The following ZNF804A variants were observed in gnomAD, a reference collection of about 807,000 sequenced individuals.
ZNF804A encodes the protein zinc finger protein 804A.
A neutral mutation model predicts 16.5 loss-of-function variants in ZNF804A; 2 were observed. The observed-to-expected ratio is 0.12, with a 90% CI of 0.05 to 0.38. The LOEUF (loss-of-function observed/expected upper bound fraction) is 0.38. Among genes scored for constraint, ZNF804A ranks in the 10% least tolerant of loss-of-function variants. The pLI, the probability that ZNF804A is intolerant of heterozygous loss-of-function variation, is 0.99. For synonymous variants in ZNF804A, 534 were observed against 489.6 expected (o/e 1.09, Z -1.20); for missense variants, 1,473 against 1,390.7 (o/e 1.06, Z -0.94).
chr2:184,737,779 A>G (rs1252827732), intron 1 of ZNF804A, among the ~76,000 whole-genome samples: 1 of 152,164 alleles, frequency 6.6e-6, no homozygotes, highest in East Asian at 1.9e-4. Flanking sequence ...GTCCAGGACA[A>G]GAATTGCATT....
intron 1 of ZNF804A, among the ~76,000 whole-genome samples, chr2:184,753,534 T>C (rs1693908355): frequency 6.6e-6 from 1 of 151,842 alleles, no homozygotes; most frequent in Non-Finnish European, 1.5e-5. Context: ...ATTGCCTGTC[T>C]TGGATGGCCT....
chr2:184,933,057 C>T (rs1405735458), intron 2 of ZNF804A, among the ~76,000 whole-genome samples: 1 of 151,844 alleles, frequency 6.6e-6, no homozygotes, highest in African/African-American at 2.4e-5. Context: ...ACTCTCAGAA[C>T]ACACAAAAAG....
At chr2:184,743,326 G>T (rs760074992) in intron 1 of ZNF804A, among the ~76,000 whole-genome samples, 1 of 151,902 alleles carries the variant, frequency 6.6e-6, no homozygotes, top group Admixed American at 6.6e-5. Context: ...AAGAATTATT[G>T]GGAATGCATC....
chr2:184,676,829 T>TA (rs1263097328), intron 1 of ZNF804A, among the ~76,000 whole-genome samples: 1 of 151,810 alleles, frequency 6.6e-6, no homozygotes, highest in African/African-American at 2.4e-5. Flanking sequence ...TGAAGTGGAC[T>TA]ATGTTCAGTA....
intron 1 of ZNF804A, among the ~76,000 whole-genome samples, chr2:184,769,618 GA>G (rs765913516): frequency 6.6e-6 from 1 of 151,812 alleles, no homozygotes; most frequent in Non-Finnish European, 1.5e-5. Context: ...CTGTATATAG[GA>G]AAAGAAAATA....
At chr2:184,866,122 T>C (rs1695874317) in intron 1 of ZNF804A, among the ~76,000 whole-genome samples, 1 of 152,196 alleles carries the variant, frequency 6.6e-6, no homozygotes, top group Admixed American at 6.5e-5. Flanking sequence ...TTCTATTTAT[T>C]TCTATCATTT....
intron 1 of ZNF804A, among the ~76,000 whole-genome samples, chr2:184,688,915 G>T (rs1429219958): frequency 1.3e-5 from 2 of 152,032 alleles, no homozygotes; most frequent in East Asian, 1.9e-4. Context: ...AAATATTTCT[G>T]ATTTGTTTGG....
At chr2:184,748,401 C>T (rs116405424) in intron 1 of ZNF804A, among the ~76,000 whole-genome samples, 2,906 of 150,808 alleles carry the variant, frequency 0.019, 44 homozygotes, top group South Asian at 0.048. Flanking sequence ...TGTTTTCATA[C>T]ATTTATTGGC....
chr2:184,645,553 A>G (rs72897795), intron 1 of ZNF804A, among the ~76,000 whole-genome samples: 16,644 of 152,260 alleles, frequency 0.11, 1,183 homozygotes, highest in Non-Finnish European at 0.16. Context: ...CTAGTTGATA[A>G]TAAAAGTATA....
intron 2 of ZNF804A, among the ~76,000 whole-genome samples, chr2:184,874,711 A>G (rs906561339): frequency 2.6e-5 from 4 of 152,124 alleles, no homozygotes; most frequent in Admixed American, 6.6e-5. Context: ...GCATATTTCC[A>G]TGTCTCTTTC....
At chr2:184,603,946 G>A (rs1691090781) in intron 1 of ZNF804A, among the ~76,000 whole-genome samples, 1 of 151,872 alleles carries the variant, frequency 6.6e-6, no homozygotes, top group Non-Finnish European at 1.5e-5. Context: ...GAAAATAACT[G>A]ATATTTGAAT....
intron 1 of ZNF804A, among the ~76,000 whole-genome samples, chr2:184,636,485 T>G (rs1202754843): frequency 1.4e-5 from 2 of 143,826 alleles, no homozygotes; most frequent in African/African-American, 2.6e-5. Flanking sequence ...GAGGTAAATA[T>G]TTGTGTTTTC....
Position 184,935,787 on chromosome 2 carries a change from C to A in ZNF804A, c.391C>A (p.Pro131Thr). ...TGCTTCTGTTTCTCTCTCTAGTGCT[C>A]CTGGAAGTGGCCCCATGTTCAAATC... The part of the protein sequence containing the change: ...AELRKETVCA[P>T]GSGPMFKSTT... Residue 131 changes from proline to threonine, a missense_variant, in exon 4 of 4, where the codon CCT becomes ACT. Coordinates refer to ENST00000302277, the MANE Select transcript of ZNF804A (RefSeq NM_194250.2). 6.3e-7 allele frequency: 1 copy of A among 1,599,176 alleles called. No individual in the cohort carries two copies. The highest frequency in any genetic ancestry group is 1.1e-5 in the South Asian group (1 of 88,590).
In ZNF804A at chr2:184,702,883, A is replaced by T. The variant is rs554171978; in HGVS notation, c.111+103813A>T. ...TATACTTAAAACAACTTTATTAAGT[A>T]ATGGCAGTTTTGTTCCTTCTCATTT... On this transcript the variant is annotated intron_variant, in intron 1 of 3. Coordinates refer to ENST00000302277, the MANE Select transcript of ZNF804A (RefSeq NM_194250.2). Among the ~76,000 whole-genome samples the T allele has an allele frequency of 1.1e-4, 17 of 152,314 alleles. No individual in the cohort carries two copies. In the South Asian group the frequency reaches 3.3e-3, roughly 30 times the overall value.
chr2:184,916,854 AAAAAC>A (rs1336236082), intron 2 of ZNF804A, among the ~76,000 whole-genome samples: 1 of 152,116 alleles, frequency 6.6e-6, no homozygotes. Context: ...TCTCAAACAA[AAAAAC>A]AAAACAAAAC....
intron 2 of ZNF804A, among the ~76,000 whole-genome samples, chr2:184,933,202 C>T (rs542195858): frequency 2.0e-5 from 3 of 151,866 alleles, no homozygotes; most frequent in South Asian, 2.1e-4. Context: ...ATATACTGTA[C>T]ATCAAAATAT....
chr2:184,775,983 A>G (rs767722289), intron 1 of ZNF804A, among the ~76,000 whole-genome samples: 4 of 151,646 alleles, frequency 2.6e-5, no homozygotes, highest in Non-Finnish European at 4.4e-5. Flanking sequence ...AGTCATTAAT[A>G]GTGTTTATAA....
intron 1 of ZNF804A, among the ~76,000 whole-genome samples, chr2:184,621,148 C>G (rs185582087): frequency 2.9e-4 from 44 of 151,696 alleles, no homozygotes; most frequent in Admixed American, 2.0e-3. Context: ...TTATCTCATA[C>G]ATTTTTAGTT....
At chr2:184,743,803 A>G (rs1693742079) in intron 1 of ZNF804A, among the ~76,000 whole-genome samples, 1 of 151,944 alleles carries the variant, frequency 6.6e-6, no homozygotes, top group Non-Finnish European at 1.5e-5. Flanking sequence ...AATTTATAAC[A>G]GAATAAACTG....
Sources: allele counts gnomAD v4.1 joint callset (sites outside exome capture counted in the v4.1 genomes callset), GRCh38; gene constraint gnomAD v4.1.1; transcripts MANE v1.5; gene names NCBI Gene and HGNC (gene_info 2026-07-23, HGNC 2026-07-21).